Variants in ZFHX4 observed in about 807,000 individuals in gnomAD.
ZFHX4 encodes zinc finger homeobox protein 4.
A neutral mutation model predicts 267.6 loss-of-function variants in ZFHX4; 56 were observed. The ratio of observed to expected loss-of-function variants is 0.21; its 90% CI spans 0.17 to 0.26. The LOEUF (loss-of-function observed/expected upper bound fraction) is 0.26. Among genes scored for constraint, ZFHX4 ranks in the 10% least tolerant of loss-of-function variants. The probability of loss-of-function intolerance (pLI) is 1.00; values close to 1 mark genes in which losing one functional copy is unlikely to be tolerated. For missense variants in ZFHX4, 4,332 were observed against 4,420.0 expected, an observed-to-expected ratio of 0.98 and a Z score of 0.56; for synonymous variants, 1,778 against 1,665.6, an observed-to-expected ratio of 1.07 and a Z score of -1.64.
intron 4 of ZFHX4, among the ~76,000 whole-genome samples, chr8:76,810,770 G>T (rs537674161): frequency 2.9e-4 from 44 of 152,200 alleles, no homozygotes; most frequent in Admixed American, 9.2e-4. Flanking sequence ...ATTGTTGCAG[G>T]TATATTTACT....
intron 5 of ZFHX4, among the ~76,000 whole-genome samples, chr8:76,835,227 A>ACATATATATATGTATATATATG (rs1812044817): frequency 5.1e-5 from 3 of 59,084 alleles, no homozygotes; most frequent in African/African-American, 2.8e-4. Flanking sequence ...ATGTATATAT[A>ACATATATATATGTATATATATG]TATATATATA....
At chr8:76,725,843 A>G (rs188803012) in intron 3 of ZFHX4, among the ~76,000 whole-genome samples, 4 of 152,306 alleles carry the variant, frequency 2.6e-5, no homozygotes, top group East Asian at 1.9e-4. Flanking sequence ...TTGCAAGGAC[A>G]TTTCGAAGTC....
chr8:76,857,354 T>TTATATATATA (rs10576780), intron 10 of ZFHX4, among the ~76,000 whole-genome samples: 167 of 143,410 alleles, frequency 1.2e-3, no homozygotes, highest in Non-Finnish European at 1.7e-3. Context: ...TTCACTAATT[T>TTATATATATA]TATATATATA....
chr8:76,820,233 A>T (rs1811612977), intron 4 of ZFHX4, among the ~76,000 whole-genome samples: 2 of 152,328 alleles, frequency 1.3e-5, no homozygotes, highest in Admixed American at 6.5e-5. Context: ...TTTACCACCA[A>T]TATCGTCATC....
chr8:76,826,616 T>A (rs28726150), intron 4 of ZFHX4, among the ~76,000 whole-genome samples: 5,768 of 152,270 alleles, frequency 0.038, 168 homozygotes, highest in African/African-American at 0.08. Context: ...AAATATTGTA[T>A]GATTCCACTA....
Position 76,717,462 on chromosome 8 carries a change from T to C in ZFHX4, c.3093+9414T>C, listed in dbSNP as rs1214670096. ...TGTCAGTCACTGACATTGCTGCAGT[T>C]GACCACATCTATTAAAGAATGTTCA... is the stretch of plus-strand genomic sequence containing the variant. On this transcript the variant is annotated intron_variant, in intron 3 of 10. Coordinates refer to ENST00000651372, the MANE Select transcript of ZFHX4 (RefSeq NM_024721.5). Among the ~76,000 whole-genome samples the C allele has an allele frequency of 2.0e-5, 3 of 152,242 alleles. No individual in the cohort carries two copies. The East Asian group carries it at 5.8e-4, about 29-fold the overall frequency.
At chr8:76,821,304 C>A (rs1188848193) in intron 4 of ZFHX4, among the ~76,000 whole-genome samples, 1 of 152,134 alleles carries the variant, frequency 6.6e-6, no homozygotes, top group Non-Finnish European at 1.5e-5. Context: ...TTACAGCAGA[C>A]ACTTCTGAGA....
intron 4 of ZFHX4, among the ~76,000 whole-genome samples, chr8:76,830,561 T>C (rs77456262): frequency 6.6e-6 from 1 of 152,194 alleles, no homozygotes; most frequent in Non-Finnish European, 1.5e-5. Context: ...TTTCATTTTG[T>C]AAGTCAAAAG....
intron 3 of ZFHX4, among the ~76,000 whole-genome samples, chr8:76,709,806 T>TGC (rs1386418149): frequency 8.1e-6 from 1 of 123,374 alleles, no homozygotes; most frequent in African/African-American, 3.1e-5. Context: ...TGTGTGCGTG[T>TGC]GTGTGTGTGT....
intron 3 of ZFHX4, among the ~76,000 whole-genome samples, chr8:76,760,977 T>C (rs536017367): frequency 6.7e-6 from 1 of 150,070 alleles, no homozygotes; most frequent in Non-Finnish European, 1.5e-5. Context: ...CCTGGCTCTC[T>C]ATTGAGAGCC....
rs796607592 is a variant in ZFHX4 at position 76,857,457 on chromosome 8, A to G, written c.9379+1157A>G. On this transcript the variant is annotated intron_variant, in intron 10 of 10. Coordinates refer to ENST00000651372, the MANE Select transcript of ZFHX4 (RefSeq NM_024721.5). Reference sequence around the variant, plus strand: ...TTTTACATGAATTTCAAACTTTTCAATTCCATGATTTTCTTACAAAAAAAC... The same window carrying G: ...TTTTACATGAATTTCAAACTTTTCAGTTCCATGATTTTCTTACAAAAAAAC... Among the ~76,000 whole-genome samples the G allele has an allele frequency of 2.0e-5, 3 of 151,518 alleles. No individual in the cohort carries two copies. In the South Asian group the frequency reaches 6.2e-4, roughly 31 times the overall value.
intron 4 of ZFHX4, among the ~76,000 whole-genome samples, chr8:76,819,936 A>G (rs1017402795): frequency 1.3e-5 from 2 of 152,220 alleles, no homozygotes; most frequent in Admixed American, 1.3e-4. Flanking sequence ...GTGATACAAC[A>G]TCTGCTTCCT....
At chr8:76,755,567 G>A (rs183502020) in intron 3 of ZFHX4, among the ~76,000 whole-genome samples, 1 of 152,222 alleles carries the variant, frequency 6.6e-6, no homozygotes, top group Admixed American at 6.5e-5. Context: ...TGGGCTACAT[G>A]CATGCTTATT....
At chr8:76,726,521 T>A (rs1187676543) in intron 3 of ZFHX4, among the ~76,000 whole-genome samples, 2 of 152,196 alleles carry the variant, frequency 1.3e-5, no homozygotes, top group African/African-American at 4.8e-5. Flanking sequence ...TTAGTAGTGG[T>A]TTGAGATAGT....
chr8:76,700,193 T>TA (rs1247813847), intron 1 of ZFHX4, among the ~76,000 whole-genome samples: 3 of 152,056 alleles, frequency 2.0e-5, no homozygotes, highest in Non-Finnish European at 4.4e-5. Context: ...TTAACCCATG[T>TA]AAAATGGAGT....
Position 76,691,245 on chromosome 8 carries a change from T to C in ZFHX4, c.-47+9625T>C, listed in dbSNP as rs373096418. Among the ~76,000 whole-genome samples, 20 of 152,214 alleles carry C rather than the reference T, an allele frequency of 1.3e-4. No homozygotes were observed. In the East Asian group the frequency reaches 3.7e-3, roughly 28 times the overall value. Reference sequence around the variant, plus strand: ...AGACAAGTAGAATCTGGATGGCCTCTTGTTATTGTGACTGTTAAACATATT... The same window carrying C: ...AGACAAGTAGAATCTGGATGGCCTCCTGTTATTGTGACTGTTAAACATATT... On this transcript the variant is annotated intron_variant, in intron 1 of 10. Transcript: ENST00000651372.
intron 3 of ZFHX4, among the ~76,000 whole-genome samples, chr8:76,774,283 T>C (rs754480958): frequency 2.1e-4 from 32 of 152,136 alleles, no homozygotes; most frequent in Non-Finnish European, 4.0e-4. Context: ...AGTGATATCA[T>C]ATGCTCATCA....
Position 76,864,493 on chromosome 8 carries a change from A to G in ZFHX4, c.10779A>G (p.Glu3593=), listed in dbSNP as rs369510014. ...QKLEDLDNSL[E]VKAKPASGLD... ...TAGAAGACTTAGATAATTCTTTGGA[A>G]GTGAAGGCTAAGCCTGCTTCTGGCC... The change falls in exon 11 of 11, where the codon GAA becomes GAG. Residue 3593 remains glutamate (E), a synonymous_variant. Coordinates refer to ENST00000651372, the MANE Select transcript of ZFHX4 (RefSeq NM_024721.5). 167 of 1,613,588 alleles carry G rather than the reference A, an allele frequency of 1.0e-4. No homozygotes were observed. The East Asian group carries it at 2.6e-3, about 25-fold the overall frequency.
intron 3 of ZFHX4, among the ~76,000 whole-genome samples, chr8:76,736,708 A>G (rs1342557064): frequency 6.6e-6 from 1 of 152,166 alleles, no homozygotes; most frequent in Non-Finnish European, 1.5e-5. Flanking sequence ...CAGGACATGT[A>G]ACTGGAATAT....
Sources: gnomAD v4.1 joint callset for allele counts (sites outside exome capture counted in the v4.1 genomes callset) on GRCh38, gnomAD v4.1.1 for gene constraint, MANE v1.5 for transcripts, NCBI Gene and HGNC (gene_info 2026-07-23, HGNC 2026-07-21) for gene names.